The following ANKS1B variants were observed in gnomAD, a reference collection of about 807,000 sequenced individuals.
ANKS1B encodes the protein ankyrin repeat and sterile alpha motif domain-containing protein 1B.
In ANKS1B, 36 loss-of-function variants were observed where a neutral mutation model predicts 148.3. The ratio of observed to expected loss-of-function variants is 0.24; its 90% confidence interval spans 0.19 to 0.32. The LOEUF is 0.32. Ranked by LOEUF, ANKS1B falls within the 10% of genes least tolerant of loss-of-function variation. ANKS1B has a pLI of 1.00. For synonymous variants in ANKS1B, 542 were observed against 560.8 expected (o/e 0.97, Z 0.47); for missense variants, 1,157 against 1,542.6 (o/e 0.75, Z 4.19).
intron 1 of ANKS1B, among the ~76,000 whole-genome samples, chr12:99,854,068 T>C (rs890625843): frequency 1.3e-5 from 2 of 152,176 alleles, no homozygotes; most frequent in Admixed American, 6.5e-5. Context: ...TGGTGTGCAG[T>C]GGTGCGATCT....
At chr12:98,889,787 T>G (rs574050958) in intron 17 of ANKS1B, among the ~76,000 whole-genome samples, 3 of 152,218 alleles carry the variant, frequency 2.0e-5, no homozygotes, top group Non-Finnish European at 4.4e-5. Flanking sequence ...ATTATCTGTT[T>G]TTGGTTTTAG....
intron 17 of ANKS1B, among the ~76,000 whole-genome samples, chr12:98,885,939 C>A (rs1025994193): frequency 6.6e-6 from 1 of 151,844 alleles, no homozygotes; most frequent in African/African-American, 2.4e-5. Flanking sequence ...GGAAAGCTGC[C>A]CAGGCACCAG....
intron 17 of ANKS1B, among the ~76,000 whole-genome samples, chr12:99,000,170 T>C (rs1452669024): frequency 6.6e-6 from 1 of 150,996 alleles, no homozygotes; most frequent in Non-Finnish European, 1.5e-5. Flanking sequence ...ACAACAAAAA[T>C]AGTGACAAAC....
intron 9 of ANKS1B, among the ~76,000 whole-genome samples, chr12:99,579,552 A>C (rs1279346629): frequency 1.3e-5 from 2 of 152,210 alleles, no homozygotes; most frequent in African/African-American, 4.8e-5. Context: ...ATGAACAGAC[A>C]CTTCCAAAAA....
chr12:98,768,887 G>GC (rs1311951125), intron 25 of ANKS1B, among the ~76,000 whole-genome samples: 1 of 151,562 alleles, frequency 6.6e-6, no homozygotes, highest in Non-Finnish European at 1.5e-5. Context: ...TCTGTAGGGG[G>GC]GGCTCCAGGC....
intron 17 of ANKS1B, among the ~76,000 whole-genome samples, chr12:99,011,630 A>G (rs752749368): frequency 9.9e-5 from 15 of 152,194 alleles, no homozygotes; most frequent in Non-Finnish European, 1.9e-4. Context: ...GCTCGCACAT[A>G]TGGGTATTTC....
chr12:98,873,843 T>C (rs951629189), intron 17 of ANKS1B, among the ~76,000 whole-genome samples: 6 of 152,142 alleles, frequency 3.9e-5, no homozygotes, highest in African/African-American at 1.2e-4. Flanking sequence ...AATGAAATGA[T>C]GTGTGTGCTC....
chr12:99,811,378 G>C (rs922030484), intron 3 of ANKS1B, among the ~76,000 whole-genome samples: 1 of 151,824 alleles, frequency 6.6e-6, no homozygotes, highest in Non-Finnish European at 1.5e-5. Context: ...TTGTTGGACT[G>C]TCTGCTGGTT....
chr12:99,624,399 C>T (rs1304010032), intron 9 of ANKS1B, among the ~76,000 whole-genome samples: 1 of 151,944 alleles, frequency 6.6e-6, no homozygotes, highest in African/African-American at 2.4e-5. Context: ...CAAAAGTTGA[C>T]AATTGAGACC....
chr12:99,214,644 C>A (rs1347847492), intron 14 of ANKS1B, among the ~76,000 whole-genome samples: 1 of 152,198 alleles, frequency 6.6e-6, no homozygotes, highest in African/African-American at 2.4e-5. Context: ...TACCCAGTCT[C>A]ATAGCAGTAT....
rs755667842 is a variant in ANKS1B at position 98,948,060 on chromosome 12, T to C, written c.2778+105097A>G. Among the ~76,000 whole-genome samples, 150 of 148,686 alleles carry C rather than the reference T, an allele frequency of 1.0e-3. 1 individual carries two copies. The highest frequency in any genetic ancestry group is 5.2e-3 in the Admixed American group (78 of 14,898). On this transcript the variant is annotated intron_variant, in intron 17 of 26. Transcript: ENST00000683438. ...ACAAATCTAGCAGAAGTGCAATTAT[T>C]AAAAAAAAAACCCTTGGAAAGGACA... is the stretch of plus-strand genomic sequence containing the variant.
chr12:99,536,889 C>T (rs774731057), intron 9 of ANKS1B, among the ~76,000 whole-genome samples: 5 of 152,192 alleles, frequency 3.3e-5, no homozygotes, highest in South Asian at 4.1e-4. Flanking sequence ...TTAACCCTCC[C>T]CACCTTAACC....
intron 1 of ANKS1B, among the ~76,000 whole-genome samples, chr12:99,923,766 G>C (rs1388747998): frequency 2.0e-5 from 3 of 151,934 alleles, no homozygotes; most frequent in Non-Finnish European, 4.4e-5. Flanking sequence ...TGGACTTTTA[G>C]GGGGGTACCT....
At chr12:99,873,105 T>C (rs1231541013) in intron 1 of ANKS1B, among the ~76,000 whole-genome samples, 2 of 152,156 alleles carry the variant, frequency 1.3e-5, no homozygotes, top group African/African-American at 2.4e-5. Flanking sequence ...ATTGTGAAGA[T>C]TAAATGCAAT....
In ANKS1B at chr12:98,745,709, G is replaced by C; in HGVS notation, c.*30C>G. The stretch of plus-strand genomic sequence containing the variant: ...TGCTCCGGGACCGCTTGGCGAGCAA[G>C]GCACCGCGAGGACAGGAGGACGGCG... On this transcript the variant is annotated 3_prime_UTR_variant, in exon 27 of 27. Coordinates refer to ENST00000683438, the MANE Select transcript of ANKS1B (RefSeq NM_001352186.2). 3 of 1,610,778 alleles carry C rather than the reference G, an allele frequency of 1.9e-6. No homozygotes were observed. Among genetic ancestry groups the C allele is most frequent in the Non-Finnish European group, 2.5e-6 (3 of 1,178,242 alleles).
Position 99,463,483 on chromosome 12 carries a change from G to A in ANKS1B, c.1439-19674C>T, listed in dbSNP as rs7968240. Among the ~76,000 whole-genome samples the A allele has an allele frequency of 4.8e-3, 726 of 152,318 alleles. 9 individuals carry two copies. The highest frequency in any genetic ancestry group is 0.015 in the African/African-American group (628 of 41,560). Reference sequence around the variant, plus strand: ...CACCGTGCGCGAGCCGAAGCAGGGCGAGGCATTGCCTCACTTGGGAAGTGC... The same window carrying A: ...CACCGTGCGCGAGCCGAAGCAGGGCAAGGCATTGCCTCACTTGGGAAGTGC... On this transcript the variant is annotated intron_variant, in intron 10 of 26. Transcript: ENST00000683438.
intron 10 of ANKS1B, among the ~76,000 whole-genome samples, chr12:99,463,686 T>G (rs1212187643): frequency 3.3e-5 from 5 of 152,186 alleles, no homozygotes; most frequent in African/African-American, 1.2e-4. Context: ...TCTCACTGAT[T>G]GCTAGCACAG....
intron 1 of ANKS1B, among the ~76,000 whole-genome samples, chr12:99,903,760 G>T (rs566540199): frequency 1.3e-5 from 2 of 151,920 alleles, no homozygotes; most frequent in East Asian, 3.9e-4. Flanking sequence ...GGGGGGAGAG[G>T]GATAAAAGAC....
intron 9 of ANKS1B, among the ~76,000 whole-genome samples, chr12:99,616,728 T>C (rs1020769070): frequency 6.6e-6 from 1 of 152,160 alleles, no homozygotes; most frequent in South Asian, 2.1e-4. Context: ...GACATAGACA[T>C]GGGCAAAGAC....
Sources: gnomAD v4.1 joint callset for allele counts (sites outside exome capture counted in the v4.1 genomes callset) on GRCh38, gnomAD v4.1.1 for gene constraint, MANE v1.5 for transcripts, NCBI Gene and HGNC (gene_info 2026-07-23, HGNC 2026-07-21) for gene names.